Variants in MPPED1 observed in about 807,000 individuals in gnomAD.
The protein encoded by MPPED1 is metallophosphoesterase domain-containing protein 1.
Under a neutral mutation model 36.2 loss-of-function variants are expected in MPPED1, and 16 were observed. The ratio of observed to expected loss-of-function variants is 0.44; its 90% CI spans 0.30 to 0.67. MPPED1 has a LOEUF of 0.67. Ranked by LOEUF, MPPED1 falls within the 30% of genes least tolerant of loss-of-function variation. MPPED1 has a pLI of 0.10. For missense variants in MPPED1, 307 were observed against 453.4 expected (o/e 0.68, Z 2.93); for synonymous variants, 199 against 191.3 (o/e 1.04, Z -0.33).
chr22:43,432,151 T>C (rs1929709992), intron 2 of MPPED1, among the ~76,000 whole-genome samples: 1 of 152,100 alleles, frequency 6.6e-6, no homozygotes, highest in African/African-American at 2.4e-5. Flanking sequence ...TCTCTTTGTC[T>C]CTTTGACTTA....
intron 5 of MPPED1, among the ~76,000 whole-genome samples, chr22:43,500,142 GTGGTGGGGGTGGTGGTGGTGA>G: frequency 9.5e-6 from 1 of 104,834 alleles, no homozygotes; most frequent in South Asian, 3.8e-4. Flanking sequence ...GGTAATGGAG[GTGGTGGGGGTGGTGGTGGTGA>G]TGGTGATGGA....
intron 3 of MPPED1, among the ~76,000 whole-genome samples, chr22:43,467,420 C>T (rs1022527150): frequency 6.6e-6 from 1 of 152,230 alleles, no homozygotes; most frequent in Non-Finnish European, 1.5e-5. Flanking sequence ...ACTCTCCCGC[C>T]TGTTCAGGTT....
In MPPED1 at chr22:43,440,634, G is replaced by A. The variant is rs540290971; in HGVS notation, c.406+5419G>A. ...CAAGATGCCAGAAAGTTCCCTCTCT[G>A]TGACTGGCAGGTGCCAGGCTGGCCT... On this transcript the variant is annotated intron_variant, in intron 3 of 6. Transcript: ENST00000443721. 3.9e-5 allele frequency among the ~76,000 whole-genome samples: 6 copies of A among 152,288 alleles called. No individual in the cohort carries two copies. The East Asian group carries it at 1.2e-3, about 29-fold the overall frequency.
chr22:43,448,302 G>A (rs1008045555), intron 3 of MPPED1, among the ~76,000 whole-genome samples: 3 of 152,182 alleles, frequency 2.0e-5, no homozygotes, highest in African/African-American at 7.2e-5. Context: ...GCCCCCATGT[G>A]GGTATGGAGC....
At chr22:43,466,726 C>T (rs1006692014) in intron 3 of MPPED1, among the ~76,000 whole-genome samples, 2 of 152,178 alleles carry the variant, frequency 1.3e-5, no homozygotes, top group Admixed American at 6.5e-5. Context: ...CAGTGCCAGA[C>T]AGTTAGGGAC....
chr22:43,486,252 G>C (rs935737637), intron 4 of MPPED1, among the ~76,000 whole-genome samples: 3 of 152,194 alleles, frequency 2.0e-5, no homozygotes, highest in South Asian at 2.1e-4. Context: ...GCCTCACTGG[G>C]GTGCTGGCAG....
chr22:43,500,199 G>A (rs1932643057), intron 5 of MPPED1, among the ~76,000 whole-genome samples: 1 of 78,304 alleles, frequency 1.3e-5, no homozygotes, highest in Non-Finnish European at 2.4e-5. Flanking sequence ...GATGGAGGTG[G>A]TAATGGAGGT....
intron 1 of MPPED1, among the ~76,000 whole-genome samples, chr22:43,421,703 C>T (rs1051249431): frequency 3.9e-5 from 6 of 152,236 alleles, no homozygotes; most frequent in Admixed American, 2.6e-4. Flanking sequence ...GTCCCCTCAT[C>T]GTCTCTGCAT....
intron 4 of MPPED1, among the ~76,000 whole-genome samples, chr22:43,497,647 G>C (rs1301531315): frequency 6.6e-6 from 1 of 151,856 alleles, no homozygotes; most frequent in Non-Finnish European, 1.5e-5. Context: ...TGCGTATAAT[G>C]GTCTAGGTCC....
intron 3 of MPPED1, among the ~76,000 whole-genome samples, chr22:43,466,491 C>G (rs1185092488): frequency 6.6e-6 from 1 of 152,192 alleles, no homozygotes; most frequent in Non-Finnish European, 1.5e-5. Context: ...CTGAATAGCC[C>G]CGAAATGCAA....
intron 3 of MPPED1, among the ~76,000 whole-genome samples, chr22:43,458,668 C>T (rs1162681679): frequency 6.6e-6 from 1 of 152,132 alleles, no homozygotes; most frequent in Non-Finnish European, 1.5e-5. Flanking sequence ...CTGTCTGGTG[C>T]CCTTTCATTT....
intron 2 of MPPED1, among the ~76,000 whole-genome samples, chr22:43,431,186 C>T (rs558463736): frequency 4.0e-5 from 6 of 151,722 alleles, no homozygotes; most frequent in South Asian, 4.2e-4. Context: ...ACACTACAGG[C>T]GCCTGCCACC....
At chr22:43,499,731 ATGGGGG>A (rs1162661715) in intron 5 of MPPED1, among the ~76,000 whole-genome samples, 25 of 8,480 alleles carry the variant, frequency 2.9e-3, no homozygotes, top group South Asian at 5.0e-3. Context: ...GGAGGTGGTG[ATGGGGG>A]TGGTGGTGGT....
chr22:43,414,095 G>A (rs5759329), intron 1 of MPPED1, among the ~76,000 whole-genome samples: 32,973 of 152,172 alleles, frequency 0.22, 4,879 homozygotes, highest in East Asian at 0.61. Flanking sequence ...AGATCTAGGC[G>A]AACAATAAGA....
intron 5 of MPPED1, among the ~76,000 whole-genome samples, chr22:43,499,314 G>A (rs1419420194): frequency 1.3e-5 from 1 of 77,170 alleles, no homozygotes; most frequent in Non-Finnish European, 3.6e-5. Context: ...GGTGATAGAA[G>A]TGGTGACGTG....
intron 3 of MPPED1, among the ~76,000 whole-genome samples, chr22:43,467,838 GA>G (rs1183575335): frequency 5.9e-5 from 9 of 152,198 alleles, no homozygotes; most frequent in African/African-American, 1.9e-4. Context: ...TTTGCTCCGG[GA>G]ATGGCATCGA....
chr22:43,463,811 C>CTTTCTTTCTTTTTTTT (rs1263255803), intron 3 of MPPED1, among the ~76,000 whole-genome samples: 3,021 of 24,206 alleles, frequency 0.12, 210 homozygotes, highest in Middle Eastern at 0.23. Flanking sequence ...TTTTTCTTTT[C>CTTTCTTTCTTTTTTTT]TTTCTTTCTT....
rs1491381569 is a variant in MPPED1, at chr22:43,463,829, TTC to T, written c.407-10905_407-10904del. On this transcript the variant is annotated intron_variant, in intron 3 of 6. Coordinates refer to ENST00000443721, the MANE Select transcript of MPPED1 (RefSeq NM_001044370.2). ...TTCTTTTCTTTCTTTCTTTCTTTCT[TTC>T]TTTCTTTCTTTCTTTCTTTCTTTCT... is the stretch of plus-strand genomic sequence containing the variant. Among the ~76,000 whole-genome samples, 415 of 141,444 alleles carry T rather than the reference TTC, an allele frequency of 2.9e-3. 5 individuals carry two copies. Among genetic ancestry groups the T allele is most frequent in the East Asian group, 0.01 (51 of 4,902 alleles). The allele number at this position is 141,444 out of a possible 152,430, so 92.8% of individuals were successfully genotyped here. A position where few individuals can be genotyped will look rare whatever the true frequency, so the allele number is the denominator to read the frequency against.
intron 4 of MPPED1, 95 bp downstream of exon 4, chr22:43,475,056 T>C (rs946483552): frequency 2.5e-5 from 28 of 1,125,946 alleles, no homozygotes; most frequent in Non-Finnish European, 3.5e-5. Context: ...AGCAGGGAGC[T>C]CCGGATGCGA....
Sources: allele counts gnomAD v4.1 joint callset (sites outside exome capture counted in the v4.1 genomes callset), GRCh38; gene constraint gnomAD v4.1.1; transcripts MANE v1.5; gene names NCBI Gene and HGNC (gene_info 2026-07-23, HGNC 2026-07-21).